Variants in MTSS2 observed in about 807,000 individuals in gnomAD.
MTSS2 encodes the protein MTSS I-BAR domain containing 2, also known as protein MTSS 2.
In MTSS2, 27 loss-of-function variants were observed where a neutral mutation model predicts 67.1. The observed-to-expected ratio is 0.40, with a 90% CI of 0.30 to 0.55. MTSS2 has a LOEUF of 0.55. Among genes scored for constraint, MTSS2 ranks in the 20% least tolerant of loss-of-function variants. The pLI, the probability that MTSS2 is intolerant of heterozygous loss-of-function variation, is 0.43. For synonymous variants in MTSS2, 624 were observed against 468.6 expected (o/e 1.33, Z -4.28); for missense variants, 1,171 against 1,067.8 (o/e 1.10, Z -1.35).
At position 70,662,547 on chromosome 16, in the gene MTSS2, C is replaced by G. The variant is rs1031424358; in HGVS notation, c.*1130G>C. ...CCAGCTCAGACCACAGCAGACAGGC[C>G]GGGAGCCTCCCAACCTTATTTTGGC... On this transcript the variant is annotated 3_prime_UTR_variant, in exon 15 of 15. Transcript: ENST00000338779. 1.3e-5 allele frequency: 2 copies of G among 152,422 alleles called. No individual in the cohort carries two copies. Among genetic ancestry groups the G allele is most frequent in the Non-Finnish European group, 2.9e-5 (2 of 68,172 alleles). 9.4% of individuals were successfully genotyped at this position (152,422 alleles called of 1,614,324 possible). A position where few individuals can be genotyped will look rare whatever the true frequency, so the allele number is the denominator to read the frequency against.
In MTSS2 at chr16:70,664,645, G is replaced by A. The variant is rs201064832; in HGVS notation, c.1424C>T (p.Thr475Met). The change falls in exon 14 of 15, where the codon ACG becomes ATG. Residue 475 changes from threonine (T) to methionine (M), a missense_variant. Around this residue, in one of 2 missense-constraint regions of MTSS2, gnomAD observed 924 missense variants for 756.0 expected, o/e 1.22. Transcript: ENST00000338779. ...AGAGCAGGAGGGCGTGGTGGTCTGC[G>A]TGCTGTAGCCGCTGGAGTACTGCAG... The part of the protein sequence containing the change: ...DSLQYSSGYS[T>M]QTTTPSCSED... 4 of 1,613,360 alleles carry A rather than the reference G, an allele frequency of 2.5e-6. No homozygotes were observed. Among genetic ancestry groups the A allele is most frequent in the South Asian group, 1.1e-5 (1 of 91,054 alleles).
chr16:70,685,274 A>G (rs564482087), intron 1 of MTSS2, among the ~76,000 whole-genome samples: 1 of 152,150 alleles, frequency 6.6e-6, no homozygotes, highest in South Asian at 2.1e-4. Context: ...GGAAGGAGTT[A>G]ACGGTTCTCC....
rs1358381887 is a variant in MTSS2, at chr16:70,661,328, C to T, written c.*2349G>A. 1 of 432,102 alleles carries T rather than the reference C, an allele frequency of 2.3e-6. No homozygotes were observed. The highest frequency in any genetic ancestry group is 4.5e-6 in the Non-Finnish European group (1 of 222,128). The allele number at this position is 432,102 out of a possible 1,614,324, so 26.8% of individuals were successfully genotyped here. A position where few individuals can be genotyped will look rare whatever the true frequency, so the allele number is the denominator to read the frequency against. ...GGGCGGGGAGGAGAGGAGAATTTTT[C>T]CAAAATCTGACGGAAAGAAAAGAAA... On this transcript the variant is annotated 3_prime_UTR_variant, in exon 15 of 15. Transcript: ENST00000338779.
At chr16:70,673,058 G>C (rs1427194766) in intron 11 of MTSS2, among the ~76,000 whole-genome samples, 1 of 152,134 alleles carries the variant, frequency 6.6e-6, no homozygotes, top group Non-Finnish European at 1.5e-5. Flanking sequence ...CTGCTTTGGA[G>C]GGTGAGGTGG....
At position 70,664,748 on chromosome 16, in the gene MTSS2, A is replaced by C; in HGVS notation, c.1321T>G (p.Ser441Ala). ...TIAAKHGEEV[S>A]PAASDLAMVL... The stretch of plus-strand genomic sequence containing the variant: ...ATGGCCAGGTCACTGGCGGCGGGGG[A>C]CACCTCCTCACCGTGCTGAGGGTGG... The change falls in exon 14 of 15, where the codon TCC becomes GCC. Residue 441 changes from serine to alanine, a missense_variant. Ser to Ala is a moderately conservative substitution (Grantham distance 99). Around this residue, in one of 2 missense-constraint regions of MTSS2, gnomAD observed 924 missense variants for 756.0 expected, o/e 1.22. Transcript: ENST00000338779. 6.2e-7 allele frequency: 1 copy of C among 1,611,286 alleles called. No individual in the cohort carries two copies. Among genetic ancestry groups the C allele is most frequent in the Non-Finnish European group, 8.5e-7 (1 of 1,179,172 alleles).
Position 70,665,611 on chromosome 16 carries a change from C to G in MTSS2, c.1054-71G>C, listed in dbSNP as rs555516658. 1.6e-5 allele frequency: 22 copies of G among 1,354,314 alleles called. No individual in the cohort carries two copies. In the East Asian group the frequency reaches 5.0e-4, roughly 31 times the overall value. The allele number at this position is 1,354,314 out of a possible 1,614,324, so 83.9% of individuals were successfully genotyped here. On this transcript the variant is annotated intron_variant, in intron 11 of 14. Transcript: ENST00000338779. The stretch of plus-strand genomic sequence containing the variant: ...AGGCAGCAAGGAGGAGAGGAGAGAA[C>G]AGTTTTGGTCACAGAGCTGGCATGC...
At chr16:70,674,204 A>G (rs983762960) in intron 11 of MTSS2, 102 bp downstream of exon 11, 1 of 178,596 alleles carries the variant, frequency 5.6e-6, no homozygotes, top group Admixed American at 1.1e-4. Context: ...CTCAACAGCT[A>G]TAGTAGTCTC....
Position 70,664,515 on chromosome 16 carries a change from G to A in MTSS2, c.1472-66C>T, listed in dbSNP as rs117276543. ...CCCCTTGCCCCCAGCCCACCAGGGTGAGCACAGAGGGGGAAGGACGGGGCC... is the reference window on the plus strand; with the variant it reads ...CCCCTTGCCCCCAGCCCACCAGGGTAAGCACAGAGGGGGAAGGACGGGGCC... On this transcript the variant is annotated intron_variant, in intron 14 of 14. Transcript: ENST00000338779. 8.3e-3 allele frequency: 13,054 copies of A among 1,565,072 alleles called. 129 individuals carry two copies. The highest frequency in any genetic ancestry group is 0.031 in the South Asian group (2,622 of 83,268).
Position 70,675,676 on chromosome 16 carries a change from G to A in MTSS2, c.831-1148C>T, listed in dbSNP as rs189253978. Among the ~76,000 whole-genome samples the A allele has an allele frequency of 4.7e-3, 710 of 152,214 alleles. 4 individuals carry two copies. The highest frequency in any genetic ancestry group is 0.016 in the African/African-American group (659 of 41,540). On this transcript the variant is annotated intron_variant, in intron 10 of 14. Transcript: ENST00000338779. ...CGTGATCCGCCTGCCTCGGCCTCCCGAACTGCTGGGATTACAGGCGTGAAC... is the reference window on the plus strand; with the variant it reads ...CGTGATCCGCCTGCCTCGGCCTCCCAAACTGCTGGGATTACAGGCGTGAAC...
chr16:70,678,493 G>A, intron 7 of MTSS2, 84 bp from the exon 8 acceptor site: 4 of 1,482,318 alleles, frequency 2.7e-6, no homozygotes, highest in Middle Eastern at 2.4e-4. Context: ...CCTGGTGGTG[G>A]CATCTCTCGG....
chr16:70,672,442 G>A (rs774897070), intron 11 of MTSS2, among the ~76,000 whole-genome samples: 2 of 151,206 alleles, frequency 1.3e-5, no homozygotes, highest in Non-Finnish European at 2.9e-5. Flanking sequence ...ACAGGAGAGA[G>A]AAAACTGGCA....
intron 4 of MTSS2, 38 bp from the exon 5 acceptor site, chr16:70,679,915 CTCCCCCGCGACGCCCCG>C (rs1567505010): frequency 6.5e-7 from 1 of 1,544,492 alleles, no homozygotes; most frequent in Non-Finnish European, 8.7e-7. Context: ...CAGGGCCGGG[CTCCCCCGCGACGCCCCG>C]TCCCCCCGCC....
chr16:70,680,117 G>T, intron 3 of MTSS2, 62 bp from the exon 4 acceptor site: 1 of 1,188,956 alleles, frequency 8.4e-7, no homozygotes, highest in Non-Finnish European at 1.1e-6. Context: ...CCGGCCTCGG[G>T]CCAGGAGGGG....
At position 70,663,081 on chromosome 16, in the gene MTSS2, A is replaced by T. The variant is rs1321943722; in HGVS notation, c.*596T>A. On this transcript the variant is annotated 3_prime_UTR_variant, in exon 15 of 15. Coordinates refer to ENST00000338779, the MANE Select transcript of MTSS2 (RefSeq NM_138383.3). ...CCTGAGACTTGGCGTGGGCCCTGGA[A>T]CTCCCTTCCCACACGGGGGGCCTGG... 1 of 150,848 alleles carries T rather than the reference A, an allele frequency of 6.6e-6. No individual in the cohort carries two copies. Among genetic ancestry groups the T allele is most frequent in the Non-Finnish European group, 1.5e-5 (1 of 67,744 alleles). 9.3% of individuals were successfully genotyped at this position (150,848 alleles called of 1,614,324 possible). A position where few individuals can be genotyped will look rare whatever the true frequency, so the allele number is the denominator to read the frequency against.
chr16:70,676,758 A>T, intron 10 of MTSS2, 123 bp downstream of exon 10: 4 of 762,392 alleles, frequency 5.2e-6, no homozygotes, highest in Non-Finnish European at 6.6e-6. Context: ...AATTCCTCGG[A>T]TGGTGTAAAA....
At chr16:70,673,619 G>A (rs1567496577) in intron 11 of MTSS2, among the ~76,000 whole-genome samples, 1 of 151,670 alleles carries the variant, frequency 6.6e-6, no homozygotes, top group Non-Finnish European at 1.5e-5. Context: ...TGAGATGCAA[G>A]AAAAAAATGA....
At chr16:70,677,009 A>T in intron 9 of MTSS2, 31 bp from the exon 10 acceptor site, 1 of 1,572,594 alleles carries the variant, frequency 6.4e-7, no homozygotes, top group East Asian at 2.3e-5. Context: ...GGGTCACTGG[A>T]GGCAGCTCCT....
rs754384079 is a variant in MTSS2, at chr16:70,674,422, G to C, written c.937C>G (p.Pro313Ala). 3 of 1,614,074 alleles carry C rather than the reference G, an allele frequency of 1.9e-6. No individual in the cohort carries two copies. Among genetic ancestry groups the C allele is most frequent in the South Asian group, 2.2e-5 (2 of 91,088 alleles). The change falls in exon 11 of 15, where the codon CCA becomes GCA. Residue 313 changes from proline (P) to alanine (A), a missense_variant. This residue lies in a region of MTSS2 where 924 missense variants were observed against 756.0 expected (regional missense o/e 1.22). Coordinates refer to ENST00000338779, the MANE Select transcript of MTSS2 (RefSeq NM_138383.3). ...GAGAGGCGAGCGGTGGTGGTGGCTG[G>C]CTGCGCCAGGCTGCGGTAGCGACAG... Reference protein sequence around the residue: ...STCRYRSLAQPATTTARLSSV... With the variant: ...STCRYRSLAQAATTTARLSSV...
At chr16:70,667,951 C>G (rs2052779869) in intron 11 of MTSS2, among the ~76,000 whole-genome samples, 1 of 150,316 alleles carries the variant, frequency 6.7e-6, no homozygotes, top group South Asian at 2.1e-4. Context: ...AGAGGGATAT[C>G]TGCAATTCCA....
Sources: gnomAD v4.1 joint callset for allele counts (sites outside exome capture counted in the v4.1 genomes callset) on GRCh38, gnomAD v4.1.1 for gene constraint, gnomAD v4.1.1 regional missense constraint, MANE v1.5 for transcripts, NCBI Gene and HGNC (gene_info 2026-07-23, HGNC 2026-07-21) for gene names.